Variants in EPHA6 observed in about 807,000 individuals in gnomAD.
EPHA6 encodes the protein EPH receptor A6.
In EPHA6, 50 loss-of-function variants were observed where a neutral mutation model predicts 112.0. That is an observed-to-expected ratio of 0.45 (90% CI 0.36 to 0.56). The LOEUF (loss-of-function observed/expected upper bound fraction) is 0.56. EPHA6 is among the 20% of genes least tolerant of loss of function. EPHA6 has a pLI of 0.00. For synonymous variants in EPHA6, 529 were observed against 490.7 expected (o/e 1.08, Z -1.03); for missense variants, 1,280 against 1,417.4 (o/e 0.90, Z 1.56).
chr3:97,129,518 C>CA (rs796445041), intron 3 of EPHA6, among the ~76,000 whole-genome samples: 7,795 of 135,286 alleles, frequency 0.058, 666 homozygotes, highest in African/African-American at 0.2. Flanking sequence ...CAAAAACAAA[C>CA]AAAAAAAAAA....
At chr3:97,542,780 C>T (rs899543896) in intron 11 of EPHA6, among the ~76,000 whole-genome samples, 26 of 152,210 alleles carry the variant, frequency 1.7e-4, no homozygotes, top group Non-Finnish European at 2.5e-4. Context: ...TTTTAATGAT[C>T]GCCATTCTAA....
intron 13 of EPHA6, among the ~76,000 whole-genome samples, chr3:97,631,943 C>A (rs1440958305): frequency 6.6e-6 from 1 of 151,988 alleles, no homozygotes; most frequent in Non-Finnish European, 1.5e-5. Flanking sequence ...GTGGGCTTGA[C>A]ATCAGTGATT....
intron 1 of EPHA6, among the ~76,000 whole-genome samples, chr3:96,826,990 T>A: frequency 6.6e-6 from 1 of 152,148 alleles, no homozygotes; most frequent in East Asian, 1.9e-4. Flanking sequence ...TATCTTCCAA[T>A]TTAAAACGGC....
intron 3 of EPHA6, among the ~76,000 whole-genome samples, chr3:97,178,171 C>A (rs1042291908): frequency 1.3e-5 from 2 of 151,844 alleles, no homozygotes; most frequent in African/African-American, 2.4e-5. Context: ...ACTATTGTAA[C>A]CTTATAACAA....
chr3:97,402,138 A>G (rs1481638663), intron 5 of EPHA6, among the ~76,000 whole-genome samples: 1 of 152,042 alleles, frequency 6.6e-6, no homozygotes, highest in African/African-American at 2.4e-5. Flanking sequence ...CAGCTGTTGG[A>G]TGAAATGTTT....
chr3:97,499,645 A>G (rs566997751), intron 10 of EPHA6, among the ~76,000 whole-genome samples: 133 of 152,306 alleles, frequency 8.7e-4, no homozygotes, highest in Non-Finnish European at 1.5e-3. Context: ...ACTGCACTGA[A>G]TACCTTAGGC....
intron 5 of EPHA6, among the ~76,000 whole-genome samples, chr3:97,247,303 T>A (rs943595928): frequency 1.3e-5 from 2 of 151,998 alleles, no homozygotes; most frequent in Non-Finnish European, 2.9e-5. Context: ...TTTAACATAT[T>A]TTTAGTGTAT....
intron 3 of EPHA6, among the ~76,000 whole-genome samples, chr3:97,037,540 G>T (rs753383934): frequency 7.2e-5 from 11 of 152,106 alleles, no homozygotes; most frequent in Middle Eastern, 3.4e-3. Flanking sequence ...AGATAAAGTT[G>T]AAAAGAAAGG....
intron 3 of EPHA6, among the ~76,000 whole-genome samples, chr3:96,989,916 T>A (rs1403819696): frequency 1.3e-5 from 2 of 151,974 alleles, no homozygotes; most frequent in Non-Finnish European, 2.9e-5. Context: ...TAAAGAAAAA[T>A]TTATACATAT....
intron 14 of EPHA6, among the ~76,000 whole-genome samples, chr3:97,709,461 A>G (rs984827443): frequency 6.6e-6 from 1 of 152,238 alleles, no homozygotes; most frequent in Admixed American, 6.5e-5. Context: ...CTTGGAAGTA[A>G]CTAGCTTGTT....
At chr3:97,051,517 AC>A (rs1342285438) in intron 3 of EPHA6, among the ~76,000 whole-genome samples, 2 of 152,160 alleles carry the variant, frequency 1.3e-5, no homozygotes, top group Non-Finnish European at 2.9e-5. Flanking sequence ...CATGTCACCT[AC>A]ATAGAATAAC....
intron 2 of EPHA6, among the ~76,000 whole-genome samples, chr3:96,975,299 A>G (rs991865658): frequency 2.0e-5 from 3 of 152,102 alleles, no homozygotes; most frequent in African/African-American, 4.8e-5. Flanking sequence ...GCCCTTTGCT[A>G]TATCTAATAA....
chr3:96,838,099 T>C (rs1315546840), intron 1 of EPHA6, among the ~76,000 whole-genome samples: 1 of 150,068 alleles, frequency 6.7e-6, no homozygotes, highest in Non-Finnish European at 1.5e-5. Context: ...ACCCAATGTG[T>C]CCATATGTTT....
rs1483583989 is a variant in EPHA6 at position 97,532,402 on chromosome 3, A to G, written c.2245A>G (p.Lys749Glu). 1.2e-6 allele frequency: 2 copies of G among 1,612,330 alleles called. No individual in the cohort carries two copies. Among genetic ancestry groups the G allele is most frequent in the Admixed American group, 1.7e-5 (1 of 59,864 alleles). The change falls in exon 11 of 18, where the codon AAA (lysine) becomes GAA (glutamate). Residue 749 changes from lysine (K) to glutamate (E), a missense_variant. Lys to Glu is a moderately conservative substitution (Grantham distance 56). Coordinates refer to ENST00000389672, the MANE Select transcript of EPHA6 (RefSeq NM_001080448.3). ...TAGTGGGCGTTTGAAGACACCAGGG[A>G]AAAGAGAGATCCCAGTTGCCATTAA... ...VCSGRLKTPG[K>E]REIPVAIKTL...
intron 3 of EPHA6, among the ~76,000 whole-genome samples, chr3:97,010,751 C>T (rs555320585): frequency 1.1e-4 from 17 of 152,220 alleles, no homozygotes; most frequent in East Asian, 1.9e-4. Flanking sequence ...CTCCACCTCC[C>T]GGGTTCAAGT....
intron 3 of EPHA6, among the ~76,000 whole-genome samples, chr3:97,162,543 G>A (rs1326459861): frequency 6.6e-6 from 1 of 152,142 alleles, no homozygotes; most frequent in Non-Finnish European, 1.5e-5. Context: ...CCTGGAATTA[G>A]TATCAATTCA....
intron 1 of EPHA6, among the ~76,000 whole-genome samples, chr3:96,836,246 T>C (rs1032213980): frequency 6.6e-6 from 1 of 152,082 alleles, no homozygotes; most frequent in Non-Finnish European, 1.5e-5. Flanking sequence ...TAACCTGAAG[T>C]TTGCTAATTT....
intron 5 of EPHA6, among the ~76,000 whole-genome samples, chr3:97,347,661 G>A (rs1044363831): frequency 6.6e-6 from 1 of 152,046 alleles, no homozygotes; most frequent in Non-Finnish European, 1.5e-5. Context: ...ATAGATAAAA[G>A]AGCCATAATT....
Position 97,747,523 on chromosome 3 carries a change from G to A in EPHA6, c.3229G>A (p.Val1077Met), listed in dbSNP as rs1189083133. 6.8e-6 allele frequency: 11 copies of A among 1,610,672 alleles called. No homozygotes were observed. The highest frequency in any genetic ancestry group is 4.5e-5 in the East Asian group (2 of 44,690). ...IKMGQYKNNF[V>M]AAGFTTFDLI... ...GATGGGGCAATACAAGAATAACTTC[G>A]TGGCAGCAGGGTTTACAACATTTGA... The change falls in exon 17 of 18, where the codon GTG (valine) becomes ATG (methionine). Residue 1077 changes from valine (V) to methionine (M), a missense_variant. By Grantham distance (21) the Val-to-Met change is conservative. This residue lies in a region of EPHA6 where 145 missense variants were observed against 153.3 expected (regional missense o/e 0.95). Coordinates refer to ENST00000389672, the MANE Select transcript of EPHA6 (RefSeq NM_001080448.3).
Sources: gnomAD v4.1 joint callset for allele counts (sites outside exome capture counted in the v4.1 genomes callset) on GRCh38, gnomAD v4.1.1 for gene constraint, gnomAD v4.1.1 regional missense constraint, MANE v1.5 for transcripts, NCBI Gene and HGNC (gene_info 2026-07-23, HGNC 2026-07-21) for gene names.